The following FGGY variants were observed in gnomAD, a reference collection of about 807,000 sequenced individuals.
The protein encoded by FGGY is FGGY carbohydrate kinase domain-containing protein.
FGGY carries 72 observed loss-of-function variants against 71.3 expected under a neutral mutation model. The observed-to-expected ratio is 1.01, with a 90% CI of 0.84 to 1.23. FGGY has a LOEUF of 1.23. Ranked by LOEUF, FGGY falls within the 50% of genes most tolerant of loss-of-function variation. FGGY has a pLI of 0.00. For missense variants in FGGY, 668 were observed against 682.3 expected, an observed-to-expected ratio of 0.98 and a Z score of 0.23; for synonymous variants, 251 against 250.3, an observed-to-expected ratio of 1.00 and a Z score of -0.02.
chr1:59,561,205 G>A (rs1393235205), intron 8 of FGGY, among the ~76,000 whole-genome samples: 1 of 152,126 alleles, frequency 6.6e-6, no homozygotes, highest in Non-Finnish European at 1.5e-5. Context: ...GATTCCACAC[G>A]GTACAGTAGA....
intron 7 of FGGY, among the ~76,000 whole-genome samples, chr1:59,545,325 T>C (rs2095504384): frequency 6.6e-6 from 1 of 152,242 alleles, no homozygotes; most frequent in African/African-American, 2.4e-5. Flanking sequence ...TTCCATAAGA[T>C]GCATTTGTGA....
intron 9 of FGGY, among the ~76,000 whole-genome samples, chr1:59,622,828 C>A (rs565398696): frequency 2.0e-5 from 3 of 152,298 alleles, no homozygotes; most frequent in East Asian, 3.9e-4. Context: ...AGGAAACACA[C>A]AAAGTACTGT....
intron 9 of FGGY, among the ~76,000 whole-genome samples, chr1:59,614,878 A>T (rs2096733890): frequency 6.6e-6 from 1 of 152,244 alleles, no homozygotes; most frequent in Non-Finnish European, 1.5e-5. Flanking sequence ...GAGCCAAATC[A>T]TGAGTGAACT....
At chr1:59,653,812 C>T (rs990420192) in intron 11 of FGGY, among the ~76,000 whole-genome samples, 1 of 152,198 alleles carries the variant, frequency 6.6e-6, no homozygotes, top group Non-Finnish European at 1.5e-5. Context: ...AATGATGGGT[C>T]AAATCTTTCT....
chr1:59,470,569 T>C (rs2092888909), intron 6 of FGGY, among the ~76,000 whole-genome samples: 1 of 152,176 alleles, frequency 6.6e-6, no homozygotes, highest in Non-Finnish European at 1.5e-5. Context: ...TAAGGGAGAT[T>C]ATAAAAGCAG....
intron 6 of FGGY, among the ~76,000 whole-genome samples, chr1:59,502,251 G>A (rs2153610954): frequency 6.6e-6 from 1 of 152,292 alleles, no homozygotes; most frequent in South Asian, 2.1e-4. Context: ...TACAAAAAGA[G>A]CTCTGCCCTC....
chr1:59,654,492 C>T (rs2097200168), intron 11 of FGGY, among the ~76,000 whole-genome samples: 2 of 152,152 alleles, frequency 1.3e-5, no homozygotes, highest in African/African-American at 4.8e-5. Flanking sequence ...ATCCCATTTT[C>T]TTGTCTTTTG....
At chr1:59,506,589 A>G (rs1202709169) in intron 6 of FGGY, among the ~76,000 whole-genome samples, 1 of 152,244 alleles carries the variant, frequency 6.6e-6, no homozygotes, top group East Asian at 1.9e-4. Context: ...ACTTGAGGTC[A>G]GGAGTTCGAG....
At chr1:59,317,792 A>G (rs2045712725) in intron 1 of FGGY, among the ~76,000 whole-genome samples, 2 of 152,228 alleles carry the variant, frequency 1.3e-5, no homozygotes, top group African/African-American at 2.4e-5. Flanking sequence ...AGTAGGATCT[A>G]TTTCATAGAA....
intron 1 of FGGY, among the ~76,000 whole-genome samples, chr1:59,321,110 T>A (rs909882079): frequency 1.3e-5 from 2 of 152,198 alleles, no homozygotes; most frequent in African/African-American, 2.4e-5. Context: ...AGGTAATTGT[T>A]GAATGAATGA....
Position 59,722,504 on chromosome 1 carries a change from CATTT to C in FGGY, c.1513-35419_1513-35416del, listed in dbSNP as rs1467097226. Among the ~76,000 whole-genome samples, 14 of 152,138 alleles carry C rather than the reference CATTT, an allele frequency of 9.2e-5. 1 individual carries two copies. The highest frequency in any genetic ancestry group is 7.9e-4 in the Admixed American group (12 of 15,268). ...GCTGTTTGGGAGATTTGTCTCTTCTCATTTATTTATTCACTCATTCATCTGATAA... is the reference window on the plus strand; with the variant it reads ...GCTGTTTGGGAGATTTGTCTCTTCTCATTTATTCACTCATTCATCTGATAA... On this transcript the variant is annotated intron_variant, in intron 14 of 15. Transcript: ENST00000303721.
At chr1:59,714,512 CAT>C (rs2097827602) in intron 14 of FGGY, among the ~76,000 whole-genome samples, 1 of 152,178 alleles carries the variant, frequency 6.6e-6, no homozygotes, top group African/African-American at 2.4e-5. Flanking sequence ...AATAGACAGA[CAT>C]GTGGTGTCTT....
chr1:59,333,257 A>G (rs184955421), intron 2 of FGGY, among the ~76,000 whole-genome samples: 4 of 152,344 alleles, frequency 2.6e-5, no homozygotes, highest in Admixed American at 2.6e-4. Context: ...CAAGTCAGAC[A>G]TGCACTTTCT....
At chr1:59,653,695 G>A (rs950167480) in intron 11 of FGGY, among the ~76,000 whole-genome samples, 1 of 152,242 alleles carries the variant, frequency 6.6e-6, no homozygotes, top group Non-Finnish European at 1.5e-5. Flanking sequence ...AGATGGAAAT[G>A]CGGAAATCAC....
chr1:59,684,534 C>A (rs961213702), intron 14 of FGGY, among the ~76,000 whole-genome samples: 24 of 152,148 alleles, frequency 1.6e-4, no homozygotes, highest in African/African-American at 5.3e-4. Flanking sequence ...GGAGCTTGGG[C>A]CTCAACCCAG....
intron 5 of FGGY, among the ~76,000 whole-genome samples, chr1:59,407,635 C>G (rs1234016583): frequency 6.6e-6 from 1 of 152,146 alleles, no homozygotes; most frequent in Non-Finnish European, 1.5e-5. Context: ...TTTTTCTGGC[C>G]TCTTTCCATT....
At chr1:59,611,937 G>A (rs1382225462) in intron 9 of FGGY, among the ~76,000 whole-genome samples, 3 of 152,184 alleles carry the variant, frequency 2.0e-5, no homozygotes, top group African/African-American at 7.2e-5. Context: ...AGCTACAAGA[G>A]AAGTTTAGAG....
chr1:59,671,987 G>A (rs2097382824), intron 13 of FGGY, among the ~76,000 whole-genome samples: 1 of 152,150 alleles, frequency 6.6e-6, no homozygotes, highest in Admixed American at 6.6e-5. Context: ...CACAACTCAG[G>A]GAGCTTTTGG....
chr1:59,514,099 T>TA (rs1231989721), intron 7 of FGGY, among the ~76,000 whole-genome samples: 1 of 152,218 alleles, frequency 6.6e-6, no homozygotes, highest in Non-Finnish European at 1.5e-5. Flanking sequence ...ATTTTGGTTT[T>TA]TACATACAAG....
Sources: gnomAD v4.1 joint callset for allele counts (sites outside exome capture counted in the v4.1 genomes callset) on GRCh38, gnomAD v4.1.1 for gene constraint, MANE v1.5 for transcripts, NCBI Gene and HGNC (gene_info 2026-07-23, HGNC 2026-07-21) for gene names.